Variants in GABRB1 observed in about 807,000 individuals in gnomAD.
GABRB1 encodes gamma-aminobutyric acid receptor subunit beta-1.
A neutral mutation model predicts 51.6 loss-of-function variants in GABRB1; 17 were observed. The ratio of observed to expected loss-of-function variants is 0.33; its 90% CI spans 0.23 to 0.49. The LOEUF (loss-of-function observed/expected upper bound fraction) is 0.49, where lower values mean the gene tolerates loss of function less well. Ranked by LOEUF, GABRB1 falls within the 20% of genes least tolerant of loss-of-function variation. GABRB1 has a pLI of 0.99. For synonymous variants in GABRB1, 247 were observed against 218.9 expected (o/e 1.13, Z -1.14); for missense variants, 410 against 600.6 (o/e 0.68, Z 3.32).
chr4:47,198,223 T>C (rs1200990874), intron 4 of GABRB1, among the ~76,000 whole-genome samples: 1 of 152,128 alleles, frequency 6.6e-6, no homozygotes, highest in African/African-American at 2.4e-5. Flanking sequence ...TGAAGAAGAA[T>C]TTTGTGAAAC....
chr4:47,079,259 G>C (rs183986917), intron 3 of GABRB1, among the ~76,000 whole-genome samples: 2 of 151,900 alleles, frequency 1.3e-5, no homozygotes, highest in African/African-American at 4.8e-5. Flanking sequence ...TTTTTGGTTG[G>C]TAAGCTATTA....
chr4:47,377,090 C>T (rs1234984991), intron 5 of GABRB1, among the ~76,000 whole-genome samples: 1 of 152,130 alleles, frequency 6.6e-6, no homozygotes, highest in Non-Finnish European at 1.5e-5. Flanking sequence ...AACAAAAGTT[C>T]ATTACAGTGC....
chr4:47,061,528 C>T (rs1044959874), intron 3 of GABRB1, among the ~76,000 whole-genome samples: 8 of 152,216 alleles, frequency 5.3e-5, no homozygotes, highest in African/African-American at 1.9e-4. Flanking sequence ...GTAAATCCTA[C>T]TAGGAAAATA....
chr4:47,356,366 G>A (rs770593528), intron 5 of GABRB1, among the ~76,000 whole-genome samples: 1 of 152,120 alleles, frequency 6.6e-6, no homozygotes, highest in Non-Finnish European at 1.5e-5. Flanking sequence ...CATGTATTTA[G>A]GGATGTCAGT....
chr4:47,137,219 C>T (rs1398811809), intron 3 of GABRB1, among the ~76,000 whole-genome samples: 2 of 151,946 alleles, frequency 1.3e-5, no homozygotes, highest in Non-Finnish European at 2.9e-5. Flanking sequence ...TGTGGGCTAA[C>T]CAAGGATCAG....
intron 3 of GABRB1, among the ~76,000 whole-genome samples, chr4:47,138,788 A>C (rs1252316461): frequency 6.6e-6 from 1 of 152,078 alleles, no homozygotes; most frequent in African/African-American, 2.4e-5. Context: ...TGATACCTGG[A>C]TTTAGATAAT....
At chr4:47,260,802 G>A (rs1234990960) in intron 4 of GABRB1, among the ~76,000 whole-genome samples, 1 of 151,916 alleles carries the variant, frequency 6.6e-6, no homozygotes. Flanking sequence ...AATCCTCAAT[G>A]AAATACTGGC....
intron 4 of GABRB1, among the ~76,000 whole-genome samples, chr4:47,269,976 A>ACACACACG (rs59512370): frequency 6.6e-6 from 1 of 151,258 alleles, no homozygotes; most frequent in African/African-American, 2.4e-5. Context: ...ACACACACAC[A>ACACACACG]GGCTGAGTCT....
At chr4:47,030,441 G>C (rs1329449393), upstream of GABRB1, among the ~76,000 whole-genome samples, 1 of 152,100 alleles carries the variant, frequency 6.6e-6, no homozygotes, top group Non-Finnish European at 1.5e-5. Context: ...AAAGTAAGCA[G>C]CAGACTATAA....
At chr4:47,354,050 T>TA in intron 5 of GABRB1, among the ~76,000 whole-genome samples, 1 of 152,300 alleles carries the variant, frequency 6.6e-6, no homozygotes, top group Middle Eastern at 3.4e-3. Context: ...GGGAAATAGT[T>TA]ACTGCTCTGA....
At chr4:47,260,418 G>C (rs879692614) in intron 4 of GABRB1, among the ~76,000 whole-genome samples, 17 of 152,226 alleles carry the variant, frequency 1.1e-4, no homozygotes, top group Admixed American at 2.0e-4. Flanking sequence ...TTTCTTCCTA[G>C]CCTCGATGGT....
At chr4:47,159,064 G>T (rs1018315069) in intron 3 of GABRB1, among the ~76,000 whole-genome samples, 1 of 151,644 alleles carries the variant, frequency 6.6e-6, no homozygotes, top group African/African-American at 2.4e-5. Context: ...AGCAGTTGAG[G>T]CCAGGAATTT....
chr4:47,092,507 T>C (rs1383479440), intron 3 of GABRB1, among the ~76,000 whole-genome samples: 1 of 151,902 alleles, frequency 6.6e-6, no homozygotes, highest in Non-Finnish European at 1.5e-5. Flanking sequence ...TGGCACCTCT[T>C]AGGAATTTAA....
chr4:47,181,762 A>G (rs114893130), intron 4 of GABRB1, among the ~76,000 whole-genome samples: 1 of 152,032 alleles, frequency 6.6e-6, no homozygotes, highest in African/African-American at 2.4e-5. Flanking sequence ...GGCAAGATTT[A>G]ATGACATTTG....
chr4:47,324,005 C>A (rs1277553590), intron 5 of GABRB1, among the ~76,000 whole-genome samples: 2 of 152,202 alleles, frequency 1.3e-5, no homozygotes, highest in East Asian at 3.9e-4. Flanking sequence ...TAGCCACAAG[C>A]ATCATGGATG....
At chr4:47,412,004 A>T (rs1005154774) in intron 8 of GABRB1, among the ~76,000 whole-genome samples, 4 of 152,220 alleles carry the variant, frequency 2.6e-5, no homozygotes, top group South Asian at 2.1e-4. Context: ...CAATTGTAGC[A>T]GTTCTTACCA....
chr4:47,381,320 G>A (rs921810355), intron 5 of GABRB1, among the ~76,000 whole-genome samples: 2 of 152,124 alleles, frequency 1.3e-5, no homozygotes, highest in African/African-American at 4.8e-5. Context: ...CATTTTGTGG[G>A]TGTCAACTCA....
intron 4 of GABRB1, among the ~76,000 whole-genome samples, chr4:47,305,278 C>A (rs1410050451): frequency 6.6e-6 from 1 of 151,926 alleles, no homozygotes; most frequent in African/African-American, 2.4e-5. Flanking sequence ...GTCCAACTGA[C>A]AATGATCTGT....
chr4:47,232,718 C>G (rs537774997), intron 4 of GABRB1, among the ~76,000 whole-genome samples: 3 of 152,204 alleles, frequency 2.0e-5, no homozygotes, highest in African/African-American at 7.2e-5. Context: ...CCTTTCAGAT[C>G]TCTTCATCAG....
Sources: gnomAD v4.1 joint callset for allele counts (sites outside exome capture counted in the v4.1 genomes callset) on GRCh38, gnomAD v4.1.1 for gene constraint, MANE v1.5 for transcripts, NCBI Gene and HGNC (gene_info 2026-07-23, HGNC 2026-07-21) for gene names.